The following ATP13A4 variants were observed in gnomAD, a reference collection of about 807,000 sequenced individuals.
ATP13A4 encodes ATPase 13A4, also known as probable cation-transporting ATPase 13A4.
A neutral mutation model predicts 142.5 loss-of-function variants in ATP13A4; 114 were observed. The observed-to-expected ratio is 0.80, with a 90% CI of 0.69 to 0.93. The LOEUF is 0.93. Among genes scored for constraint, ATP13A4 ranks in the 40% least tolerant of loss-of-function variants. The probability of loss-of-function intolerance (pLI) is 0.00; values close to 1 mark genes in which losing one functional copy is unlikely to be tolerated. For missense variants in ATP13A4, 1,392 were observed against 1,454.0 expected (o/e 0.96, Z 0.69); for synonymous variants, 488 against 514.8 (o/e 0.95, Z 0.70).
At chr3:193,440,404 C>G in intron 21 of ATP13A4, 154 bp downstream of exon 21, 1 of 1,396,458 alleles carries the variant, frequency 7.2e-7, no homozygotes, top group Non-Finnish European at 9.7e-7. Context: ...CTTGGTACTG[C>G]TATTTTCTCC....
Position 193,457,104 on chromosome 3 carries a change from G to T in ATP13A4, c.1811C>A (p.Ala604Glu), listed in dbSNP as rs1242964289. ...GACAATGACTGTCATTCTTTGCAGT[G>T]CCGATGAGAATGGGAACTGATGCAG... ...AILHQFPFSS[A>E]LQRMTVIVQE... Residue 604 changes from alanine (A) to glutamate (E), a missense_variant, in exon 16 of 30, where the codon GCA (alanine) becomes GAA (glutamate). By Grantham distance (107) the Ala-to-Glu change is moderately radical. Transcript: ENST00000342695. 3.1e-6 allele frequency: 5 copies of T among 1,613,652 alleles called. No individual in the cohort carries two copies. The highest frequency in any genetic ancestry group is 4.2e-6 in the Non-Finnish European group (5 of 1,180,020).
Position 193,438,508 on chromosome 3 carries a change from G to A in ATP13A4, c.2639C>T (p.Thr880Ile). 1 of 1,614,134 alleles carries A rather than the reference G, an allele frequency of 6.2e-7. No individual in the cohort carries two copies. The highest frequency in any genetic ancestry group is 1.3e-5 in the African/African-American group (1 of 75,050). The change falls in exon 23 of 30, where the codon ACT becomes ATT. Residue 880 changes from threonine (T) to isoleucine (I), a missense_variant. By Grantham distance (89) the Thr-to-Ile change is moderately conservative (BLOSUM62 -1). Coordinates refer to ENST00000342695, the MANE Select transcript of ATP13A4 (RefSeq NM_032279.4). Reference protein sequence around the residue: ...ASVASPFTSKTPNIECVPHLI... With the variant: ...ASVASPFTSKIPNIECVPHLI... ...GTGAGGTACGCACTCAATGTTTGGA[G>A]TTTTGGAAGTGAAAGGTGAGGCCAC...
At chr3:193,552,336 C>A (rs1319625828) in intron 1 of ATP13A4, among the ~76,000 whole-genome samples, 2 of 152,196 alleles carry the variant, frequency 1.3e-5, no homozygotes, top group Admixed American at 6.5e-5. Context: ...TCAGAATATT[C>A]TTCTTTATTT....
chr3:193,491,872 G>C (rs1249344098), intron 5 of ATP13A4, among the ~76,000 whole-genome samples: 1 of 151,824 alleles, frequency 6.6e-6, no homozygotes, highest in Non-Finnish European at 1.5e-5. Context: ...GAGTGGAAAG[G>C]CTCTGTGATC....
At chr3:193,567,013 T>G (rs1199448406) in intron 2 of ATP13A4, among the ~76,000 whole-genome samples, 1 of 152,062 alleles carries the variant, frequency 6.6e-6, no homozygotes, top group African/African-American at 2.4e-5. Context: ...TACCACTTTA[T>G]CCCACTTTTA....
intron 13 of ATP13A4, among the ~76,000 whole-genome samples, chr3:193,462,316 C>T (rs1417575378): frequency 6.6e-6 from 1 of 151,984 alleles, no homozygotes; most frequent in East Asian, 1.9e-4. Context: ...ACACTAGCTA[C>T]GGTTCTACAA....
At chr3:193,452,488 A>G (rs1717335745) in intron 17 of ATP13A4, among the ~76,000 whole-genome samples, 1 of 151,814 alleles carries the variant, frequency 6.6e-6, no homozygotes, top group South Asian at 2.1e-4. Flanking sequence ...GCTTCATTTT[A>G]CCCATCACAA....
At chr3:193,409,152 T>C (rs1459709931) in intron 28 of ATP13A4, among the ~76,000 whole-genome samples, 1 of 152,156 alleles carries the variant, frequency 6.6e-6, no homozygotes, top group Non-Finnish European at 1.5e-5. Flanking sequence ...GTGTTCCCCA[T>C]TAAAATAATT....
chr3:193,585,535 T>C lies in ATP13A4; in HGVS notation n.92-3629A>G, dbSNP rs182600007. On this transcript the variant is annotated intron_variant and non_coding_transcript_variant, in intron 1 of 3. Coordinates refer to the ATP13A4 transcript ENST00000489140. ...TCAGCTATTGTTAGTTTATTTTATG[T>C]GTGGCCCAAGACAATTCTTCTTCCA... 2.6e-5 allele frequency among the ~76,000 whole-genome samples: 4 copies of C among 152,264 alleles called. No homozygotes were observed. The East Asian group carries it at 7.7e-4, about 29-fold the overall frequency.
intron 7 of ATP13A4, among the ~76,000 whole-genome samples, chr3:193,488,121 G>A (rs1196930955): frequency 2.0e-5 from 3 of 152,020 alleles, no homozygotes; most frequent in Admixed American, 6.6e-5. Context: ...AAAATTAGCC[G>A]GGTGTGGTGG....
chr3:193,501,633 G>C (rs1171148664), intron 3 of ATP13A4, among the ~76,000 whole-genome samples: 1 of 149,092 alleles, frequency 6.7e-6, no homozygotes, highest in African/African-American at 2.5e-5. Context: ...ATTGACAATA[G>C]GAAAATTGCT....
chr3:193,463,076 A>G (rs1718053405), intron 12 of ATP13A4, among the ~76,000 whole-genome samples: 1 of 152,114 alleles, frequency 6.6e-6, no homozygotes, highest in African/African-American at 2.4e-5. Flanking sequence ...TCACAAACAT[A>G]TTAACAAGAT....
At chr3:193,438,982 C>T (rs1249064854) in intron 22 of ATP13A4, 41 bp downstream of exon 22, 20 of 1,564,074 alleles carry the variant, frequency 1.3e-5, no homozygotes, top group Admixed American at 3.3e-5. Flanking sequence ...TAAGTGTAAT[C>T]GAATGTGAGA....
intron 23 of ATP13A4, among the ~76,000 whole-genome samples, chr3:193,437,279 G>T (rs1716343644): frequency 6.6e-6 from 1 of 151,276 alleles, no homozygotes; most frequent in Admixed American, 6.6e-5. Flanking sequence ...ATCTGAAGCA[G>T]CTGCTTCCAC....
At chr3:193,471,874 C>T (rs1718648747) in intron 8 of ATP13A4, among the ~76,000 whole-genome samples, 1 of 152,060 alleles carries the variant, frequency 6.6e-6, no homozygotes, top group Non-Finnish European at 1.5e-5. Context: ...CTGCAGGGGG[C>T]TGGGTGGGGT....
At chr3:193,406,822 A>G (rs1714522474) in intron 29 of ATP13A4, among the ~76,000 whole-genome samples, 1 of 152,186 alleles carries the variant, frequency 6.6e-6, no homozygotes, top group Non-Finnish European at 1.5e-5. Flanking sequence ...CAGAAAGTAG[A>G]ATAGTGATTA....
intron 1 of ATP13A4, among the ~76,000 whole-genome samples, chr3:193,515,500 G>A (rs943875111): frequency 6.6e-6 from 1 of 152,196 alleles, no homozygotes; most frequent in African/African-American, 2.4e-5. Flanking sequence ...TTGGGGTAGA[G>A]TTGTGCCTTC....
chr3:193,491,758 G>A (rs1719957641), intron 5 of ATP13A4, among the ~76,000 whole-genome samples: 1 of 152,152 alleles, frequency 6.6e-6, no homozygotes, highest in African/African-American at 2.4e-5. Context: ...CTGTAAGACA[G>A]TGAGGTAGTT....
chr3:193,529,443 T>C (rs1046159539), intron 1 of ATP13A4, among the ~76,000 whole-genome samples: 1 of 151,910 alleles, frequency 6.6e-6, no homozygotes, highest in Admixed American at 6.6e-5. Flanking sequence ...CAAGAACATA[T>C]TTCACAACAA....
Sources: allele counts gnomAD v4.1 joint callset (sites outside exome capture counted in the v4.1 genomes callset), GRCh38; gene constraint gnomAD v4.1.1; transcripts MANE v1.5; gene names NCBI Gene and HGNC (gene_info 2026-07-23, HGNC 2026-07-21).